BACH2: variants seen among roughly 807,000 people sequenced by gnomAD.
BACH2 encodes the protein BACH transcriptional regulator 2.
BACH2 carries 5 observed loss-of-function variants against 61.8 expected under a neutral mutation model. That is an observed-to-expected ratio of 0.08 (90% CI 0.04 to 0.17). The LOEUF (loss-of-function observed/expected upper bound fraction) is 0.17. BACH2 is among the 10% of genes least tolerant of loss of function. The probability of loss-of-function intolerance (pLI) is 1.00; values close to 1 mark genes in which losing one functional copy is unlikely to be tolerated. For missense variants in BACH2, 824 were observed against 1,091.1 expected (o/e 0.76, Z 3.45); for synonymous variants, 446 against 440.1 (o/e 1.01, Z -0.17).
intron 5 of BACH2, among the ~76,000 whole-genome samples, chr6:90,048,718 C>G (rs1222246599): frequency 3.3e-5 from 5 of 152,218 alleles, no homozygotes; most frequent in African/African-American, 1.2e-4. Flanking sequence ...AACAAGCACA[C>G]TTTCTGAATG....
chr6:90,056,579 C>A (rs918866615), intron 5 of BACH2, among the ~76,000 whole-genome samples: 2 of 151,970 alleles, frequency 1.3e-5, no homozygotes, highest in African/African-American at 4.8e-5. Flanking sequence ...AGAAAGTTAA[C>A]AAGGATACCC....
chr6:90,291,601 T>A (rs1582572996), intron 1 of BACH2, among the ~76,000 whole-genome samples: 2 of 140,012 alleles, frequency 1.4e-5, no homozygotes, highest in Non-Finnish European at 3.2e-5. Context: ...TTAAATTAAA[T>A]GTCATCACAA....
chr6:89,934,721 A>T (rs1259026324), intron 8 of BACH2, among the ~76,000 whole-genome samples: 1 of 152,106 alleles, frequency 6.6e-6, no homozygotes, highest in Non-Finnish European at 1.5e-5. Context: ...TGAGGCACAC[A>T]CAATGAAGTG....
chr6:90,207,993 TAGAG>T (rs753028244), intron 3 of BACH2, among the ~76,000 whole-genome samples: 3 of 152,170 alleles, frequency 2.0e-5, no homozygotes, highest in Non-Finnish European at 2.9e-5. Context: ...AATCAGATGA[TAGAG>T]AGAGGAAATT....
At chr6:90,135,783 C>T (rs752841663) in intron 4 of BACH2, among the ~76,000 whole-genome samples, 18 of 152,164 alleles carry the variant, frequency 1.2e-4, no homozygotes, top group Non-Finnish European at 2.5e-4. Context: ...GCCCTCCTCC[C>T]ACTTATTTCC....
chr6:90,138,923 C>G (rs529854463), intron 4 of BACH2, among the ~76,000 whole-genome samples: 15 of 152,278 alleles, frequency 9.9e-5, no homozygotes, highest in Middle Eastern at 3.4e-3. Context: ...GGGAAGGAGA[C>G]TGGGGTGAAG....
intron 4 of BACH2, among the ~76,000 whole-genome samples, chr6:90,190,445 G>T (rs556166031): frequency 1.2e-3 from 176 of 152,266 alleles, no homozygotes; most frequent in Non-Finnish European, 2.0e-3. Context: ...ACAGAATTTT[G>T]TCACTATCCA....
intron 5 of BACH2, among the ~76,000 whole-genome samples, chr6:90,051,236 T>C (rs955926663): frequency 6.6e-6 from 1 of 152,200 alleles, no homozygotes; most frequent in African/African-American, 2.4e-5. Flanking sequence ...AAACATTACT[T>C]TTCTGTGTTA....
intron 3 of BACH2, among the ~76,000 whole-genome samples, chr6:90,208,751 G>A (rs570081194): frequency 6.6e-6 from 1 of 152,196 alleles, no homozygotes; most frequent in East Asian, 1.9e-4. Context: ...AACACATGCA[G>A]ATATATGTTT....
chr6:89,951,355 A>T lies in BACH2; in HGVS notation c.751T>A (p.Ser251Thr). Residue 251 changes from serine (S) to threonine (T), a missense_variant, in exon 7 of 9, where the codon TCA becomes ACA. Ser to Thr is a moderately conservative substitution (Grantham distance 58). Transcript: ENST00000257749. The surrounding 1 kb of genome is among the most constrained non-coding windows in gnomAD (Gnocchi z 6.4). ...TCCCGGAATGTGCTTGCAAAACCTG[A>T]GGTACTGTGTGATGATGCATTATAG... ...NVYNASSHST[S>T]GFASTFREDN... 1 of 1,614,144 alleles carries T rather than the reference A, an allele frequency of 6.2e-7. No homozygotes were observed. The highest frequency in any genetic ancestry group is 8.5e-7 in the Non-Finnish European group (1 of 1,180,020).
chr6:89,987,757 T>TA (rs1389279299), intron 6 of BACH2, among the ~76,000 whole-genome samples: 14 of 149,946 alleles, frequency 9.3e-5, no homozygotes, highest in East Asian at 1.9e-4. Context: ...GCCATTATTA[T>TA]AAAAAAAAAA....
intron 4 of BACH2, among the ~76,000 whole-genome samples, chr6:90,135,634 A>C (rs1207466167): frequency 6.6e-6 from 1 of 152,110 alleles, no homozygotes; most frequent in East Asian, 1.9e-4. Flanking sequence ...GGACTGCTGG[A>C]GCCCAGGAGG....
chr6:90,239,987 G>T (rs1409722062), intron 3 of BACH2, among the ~76,000 whole-genome samples: 1 of 152,002 alleles, frequency 6.6e-6, no homozygotes, highest in Non-Finnish European at 1.5e-5. Context: ...GTAAAATAAA[G>T]ATCTAAAAAT....
chr6:90,064,084 A>AGAAAAT (rs1275776311), intron 5 of BACH2, among the ~76,000 whole-genome samples: 1 of 152,228 alleles, frequency 6.6e-6, no homozygotes, highest in Non-Finnish European at 1.5e-5. Flanking sequence ...GGCATTCAGA[A>AGAAAAT]GAAAATGAAA....
intron 5 of BACH2, among the ~76,000 whole-genome samples, chr6:90,069,795 A>T (rs1243359171): frequency 6.6e-6 from 1 of 152,232 alleles, no homozygotes; most frequent in East Asian, 1.9e-4. Flanking sequence ...AGAAGAAAAG[A>T]GTTTTAGGAA....
intron 1 of BACH2, among the ~76,000 whole-genome samples, chr6:90,283,597 G>C (rs1221515234): frequency 6.6e-6 from 1 of 151,934 alleles, no homozygotes; most frequent in Non-Finnish European, 1.5e-5. Context: ...GGATGGTCCC[G>C]ATCTCCTGAC....
chr6:90,080,316 G>A (rs1781670222), intron 5 of BACH2, among the ~76,000 whole-genome samples: 3 of 152,026 alleles, frequency 2.0e-5, no homozygotes, highest in Non-Finnish European at 4.4e-5. Flanking sequence ...GCTTACCAAG[G>A]CACAGTATCC....
chr6:89,988,608 C>G (rs900675855), intron 6 of BACH2, among the ~76,000 whole-genome samples: 1 of 152,098 alleles, frequency 6.6e-6, no homozygotes, highest in South Asian at 2.1e-4. Context: ...GAAGATCTGA[C>G]TACAAGTAGA....
chr6:90,263,372 T>G (rs1004282737), intron 2 of BACH2, among the ~76,000 whole-genome samples: 12 of 152,186 alleles, frequency 7.9e-5, no homozygotes, highest in African/African-American at 2.7e-4. Flanking sequence ...TTAGTGAAAA[T>G]AGCTTTTTTA....
Sources: gnomAD v4.1 joint callset for allele counts (sites outside exome capture counted in the v4.1 genomes callset) on GRCh38, gnomAD v4.1.1 for gene constraint, Gnocchi (gnomAD v3.1) non-coding constraint, MANE v1.5 for transcripts, NCBI Gene and HGNC (gene_info 2026-07-23, HGNC 2026-07-21) for gene names.